The following PLA2G4E variants were observed in gnomAD, a reference collection of about 807,000 sequenced individuals.
The protein encoded by PLA2G4E is cytosolic phospholipase A2 epsilon.
A neutral mutation model predicts 109.1 loss-of-function variants in PLA2G4E; 84 were observed. That is an observed-to-expected ratio of 0.77 (90% confidence interval 0.65 to 0.92). The LOEUF is 0.92. PLA2G4E is among the 40% of genes least tolerant of loss of function. The probability of loss-of-function intolerance (pLI) is 0.00; values close to 1 mark genes in which losing one functional copy is unlikely to be tolerated. For synonymous variants in PLA2G4E, 469 were observed against 436.1 expected (o/e 1.08, Z -0.94); for missense variants, 1,057 against 1,076.6 (o/e 0.98, Z 0.25).
At position 41,997,112 on chromosome 15, in the gene PLA2G4E, C is replaced by T. The variant is rs773987052; in HGVS notation, c.1110+12G>A. On this transcript the variant is annotated intron_variant, in intron 11 of 19. Coordinates refer to ENST00000399518, the Ensembl canonical transcript of PLA2G4E. ...AGCTGGGCCCAGGCTGGCCACATCCCTGATTACCCACCTCGTCCTCCTGCA... is the reference window on the plus strand; with the variant it reads ...AGCTGGGCCCAGGCTGGCCACATCCTTGATTACCCACCTCGTCCTCCTGCA... The T allele has an allele frequency of 2.6e-6, 4 of 1,556,484 alleles. No homozygotes were observed. The highest frequency in any genetic ancestry group is 2.6e-6 in the Non-Finnish European group (3 of 1,149,856).
chr15:42,040,368 GA>G (rs113641477), intron 1 of PLA2G4E, among the ~76,000 whole-genome samples: 1 of 151,958 alleles, frequency 6.6e-6, no homozygotes, highest in South Asian at 2.1e-4. Context: ...TAAGTTTTCT[GA>G]AAAAAATAAT....
intron 11 of PLA2G4E, 150 bp from the exon 12 acceptor site, chr15:41,995,646 T>G: frequency 1.0e-6 from 1 of 969,056 alleles, no homozygotes; most frequent in South Asian, 1.6e-5. Context: ...ACCTGACACC[T>G]GCCTTTCCAC....
intron 12 of PLA2G4E, among the ~76,000 whole-genome samples, chr15:41,993,199 A>G (rs774064032): frequency 3.8e-4 from 58 of 152,210 alleles, no homozygotes; most frequent in Middle Eastern, 3.2e-3. Context: ...CAGGCATAAC[A>G]GTGGTTAAGA....
intron 1 of PLA2G4E, among the ~76,000 whole-genome samples, chr15:42,036,646 G>A (rs931415690): frequency 6.6e-6 from 1 of 152,174 alleles, no homozygotes; most frequent in Non-Finnish European, 1.5e-5. Flanking sequence ...TGGTTGCCAG[G>A]GCAACAGAAG....
intron 1 of PLA2G4E, among the ~76,000 whole-genome samples, chr15:42,028,375 ATTTATTTACTTAT>A (rs1440835674): frequency 8.9e-6 from 1 of 111,820 alleles, no homozygotes. Context: ...TATTTTATTT[ATTTATTTACTTAT>A]TTATTTATTT....
exon 20 of PLA2G4E, chr15:41,982,820 C>T (rs1425963910): frequency 6.6e-6 from 1 of 152,212 alleles, no homozygotes; most frequent in African/African-American, 2.4e-5. Flanking sequence ...GATCACCAGC[C>T]CTGGAGCTCT....
At chr15:41,991,604 C>G (rs1283093317) in intron 13 of PLA2G4E, among the ~76,000 whole-genome samples, 1 of 152,168 alleles carries the variant, frequency 6.6e-6, no homozygotes, top group African/African-American at 2.4e-5. Context: ...TTTGCCAGCG[C>G]AGTTCCTGGC....
chr15:42,009,299 T>C (rs4924600), intron 2 of PLA2G4E, among the ~76,000 whole-genome samples: 58,770 of 152,004 alleles, frequency 0.39, 11,948 homozygotes, highest in South Asian at 0.59. Context: ...TCCTTGACTC[T>C]CACATTCAGT....
intron 1 of PLA2G4E, among the ~76,000 whole-genome samples, chr15:42,049,954 G>A (rs1735308812): frequency 6.6e-6 from 1 of 152,216 alleles, no homozygotes; most frequent in Admixed American, 6.5e-5. Context: ...TACCAGATGG[G>A]AATTGCGTAT....
In PLA2G4E at chr15:42,026,290, T is replaced by C. The variant is rs576856909; in HGVS notation, c.184-12533A>G. On this transcript the variant is annotated intron_variant, in intron 1 of 19. Coordinates refer to ENST00000399518, the Ensembl canonical transcript of PLA2G4E. Reference sequence around the variant, plus strand: ...CTTTTCAAGGGAACTTAATATATGATAAAATTGGCACCACAAGTCAATGGG... The same window carrying C: ...CTTTTCAAGGGAACTTAATATATGACAAAATTGGCACCACAAGTCAATGGG... Among the ~76,000 whole-genome samples the C allele has an allele frequency of 3.9e-5, 6 of 152,270 alleles. No homozygotes were observed. The South Asian group carries it at 1.2e-3, about 32-fold the overall frequency.
At chr15:42,040,092 T>C (rs962860655) in intron 1 of PLA2G4E, among the ~76,000 whole-genome samples, 1 of 152,140 alleles carries the variant, frequency 6.6e-6, no homozygotes, top group Non-Finnish European at 1.5e-5. Flanking sequence ...ATCCCAGCAC[T>C]TTGGGAGGCC....
At chr15:42,022,961 G>A (rs369452686) in intron 1 of PLA2G4E, among the ~76,000 whole-genome samples, 3 of 152,244 alleles carry the variant, frequency 2.0e-5, no homozygotes, top group Middle Eastern at 3.4e-3. Flanking sequence ...GGCTTTAGAC[G>A]AGGAATGGGA....
intron 1 of PLA2G4E, among the ~76,000 whole-genome samples, chr15:42,043,543 G>A (rs965783599): frequency 7.1e-6 from 1 of 140,424 alleles, no homozygotes; most frequent in African/African-American, 2.7e-5. Flanking sequence ...AGGTATTTAG[G>A]GAGCATGGTG....
chr15:41,987,343 A>G, exon 17 of PLA2G4E: 1 of 1,613,826 alleles, frequency 6.2e-7, no homozygotes, highest in Non-Finnish European at 8.5e-7. Context: ...TTAGCATCAC[A>G]TTTGGGGATT....
intron 18 of PLA2G4E, 61 bp downstream of exon 18, chr15:41,985,778 C>T: frequency 1.3e-6 from 2 of 1,538,426 alleles, no homozygotes; most frequent in Non-Finnish European, 1.8e-6. Context: ...AGGCCACTGA[C>T]TGCGGGGCCC....
rs1159576111 is a variant in PLA2G4E, at chr15:41,990,180, G to C, written c.1526C>G (p.Pro509Arg). The change falls in exon 14 of 20, where the codon CCC becomes CGC. Residue 509 changes from proline to arginine, a missense_variant. Physicochemically the swap from Pro to Arg is moderately radical, Grantham distance 103. Coordinates refer to ENST00000399518, the Ensembl canonical transcript of PLA2G4E. Reference sequence around the variant, plus strand: ...ATTGATGGTGAGGTAGATGGGCAGGGGGTTCTGGCCGCAGCTCAAAGCAGC... The same window carrying C: ...ATTGATGGTGAGGTAGATGGGCAGGCGGTTCTGGCCGCAGCTCAAAGCAGC... 5.6e-6 allele frequency: 9 copies of C among 1,613,602 alleles called. No individual in the cohort carries two copies. The Admixed American group carries it at 8.3e-5, about 15-fold the overall frequency.
intron 14 of PLA2G4E, 85 bp from the exon 15 acceptor site, chr15:41,989,637 T>G: frequency 6.6e-7 from 1 of 1,509,858 alleles, no homozygotes; most frequent in Non-Finnish European, 8.9e-7. Context: ...CTGCAGCCAC[T>G]GGCTCAGGCC....
At chr15:42,017,441 T>C (rs1189358737) in intron 1 of PLA2G4E, among the ~76,000 whole-genome samples, 2 of 152,218 alleles carry the variant, frequency 1.3e-5, no homozygotes, top group African/African-American at 4.8e-5. Flanking sequence ...GCAGGTGCCA[T>C]GTACAGGTTC....
intron 1 of PLA2G4E, among the ~76,000 whole-genome samples, chr15:42,027,815 A>G (rs999541985): frequency 7.9e-6 from 1 of 126,898 alleles, no homozygotes; most frequent in Non-Finnish European, 1.7e-5. Context: ...TAGCTGCTCT[A>G]TCTCATCCAT....
Sources: gnomAD v4.1 joint callset for allele counts (sites outside exome capture counted in the v4.1 genomes callset) on GRCh38, gnomAD v4.1.1 for gene constraint, MANE v1.5 for transcripts, NCBI Gene and HGNC (gene_info 2026-07-23, HGNC 2026-07-21) for gene names.